The following FLVCR1 variants were observed in gnomAD, a reference collection of about 807,000 sequenced individuals.
FLVCR1 encodes the protein FLVCR choline and heme transporter 1, also known as choline/ethanolamine transporter FLVCR1.
In FLVCR1, 34 loss-of-function variants were observed where a neutral mutation model predicts 53.6. The ratio of observed to expected loss-of-function variants is 0.63; its 90% CI spans 0.48 to 0.84. The LOEUF is 0.84. Ranked by LOEUF, FLVCR1 falls within the 40% of genes least tolerant of loss-of-function variation. FLVCR1 has a pLI of 0.00. For missense variants in FLVCR1, 677 were observed against 696.7 expected, an observed-to-expected ratio of 0.97 and a Z score of 0.32; for synonymous variants, 300 against 286.3, an observed-to-expected ratio of 1.05 and a Z score of -0.48.
chr1:212,885,486 CAT>C, intron 5 of FLVCR1, 90 bp downstream of exon 5: 2 of 800,146 alleles, frequency 2.5e-6, no homozygotes, highest in South Asian at 1.4e-5. Context: ...AAATTTAAAA[CAT>C]GTTATTACTT....
In FLVCR1 at chr1:212,896,445, T is replaced by C. The variant is rs1286320270; in HGVS notation, c.*1155T>C. On this transcript the variant is annotated 3_prime_UTR_variant, in exon 10 of 10. Transcript: ENST00000366971. ...CTGCAGAGTCATCACACTGTTAGAA[T>C]AGTCTGCTCTTTTACATGCTCAGGT... 6.6e-6 allele frequency: 1 copy of C among 152,188 alleles called. No individual in the cohort carries two copies. Among genetic ancestry groups the C allele is most frequent in the South Asian group, 2.1e-4 (1 of 4,830 alleles). The allele number at this position is 152,188 out of a possible 1,614,324, so 9.4% of individuals were successfully genotyped here. A position where few individuals can be genotyped will look rare whatever the true frequency, so the allele number is the denominator to read the frequency against.
At position 212,897,205 on chromosome 1, in the gene FLVCR1, AT is replaced by A. The variant is rs1484919204; in HGVS notation, c.*1916del. The A allele has an allele frequency of 2.6e-4, 22 of 85,036 alleles. No homozygotes were observed. Among genetic ancestry groups the A allele is most frequent in the African/African-American group, 7.8e-4 (22 of 28,110 alleles). 5.3% of individuals were successfully genotyped at this position (85,036 alleles called of 1,614,324 possible). A position where few individuals can be genotyped will look rare whatever the true frequency, so the allele number is the denominator to read the frequency against. Reference sequence around the variant, plus strand: ...AATAAATAAATAAATAAATAAATAAATAAATAAAACCTGAGGTTGAGCACGA... The same window carrying A: ...AATAAATAAATAAATAAATAAATAAAAAATAAAACCTGAGGTTGAGCACGA... On this transcript the variant is annotated 3_prime_UTR_variant, in exon 10 of 10. Transcript: ENST00000366971.
At chr1:212,890,230 C>T (rs1212515157) in intron 8 of FLVCR1, among the ~76,000 whole-genome samples, 1 of 152,140 alleles carries the variant, frequency 6.6e-6, no homozygotes. Flanking sequence ...TTTCCAGGTG[C>T]ATACTTTTAA....
In FLVCR1 at chr1:212,858,953, G is replaced by A. The variant is rs886043715; in HGVS notation, c.501G>A (p.Leu167=). 8.7e-6 allele frequency: 14 copies of A among 1,614,082 alleles called. No homozygotes were observed. Among genetic ancestry groups the A allele is most frequent in the Non-Finnish European group, 1.2e-5 (14 of 1,180,052 alleles). Residue 167 remains leucine (L), a synonymous_variant, in exon 1 of 10, where the codon CTG becomes CTA. Transcript: ENST00000366971. The part of the protein sequence containing the change: ...YVPLIFPATW[L]LDTRGLRLTA... ...CCCTCATCTTCCCGGCCACCTGGCT[G>A]CTGGACACCAGAGGCCTGCGGCTCA...
intron 3 of FLVCR1, among the ~76,000 whole-genome samples, chr1:212,875,647 C>T (rs1187900051): frequency 2.6e-5 from 4 of 152,042 alleles, no homozygotes; most frequent in African/African-American, 9.7e-5. Context: ...CAAGACCAGC[C>T]TGGCCAATGT....
At chr1:212,881,370 G>T (rs148679359) in intron 3 of FLVCR1, among the ~76,000 whole-genome samples, 180 of 133,084 alleles carry the variant, frequency 1.4e-3, no homozygotes, top group Middle Eastern at 4.5e-3. Flanking sequence ...ACAGAGTCTC[G>T]CTCTGTCACC....
chr1:212,889,612 G>A (rs964712984), intron 8 of FLVCR1, among the ~76,000 whole-genome samples: 2 of 152,168 alleles, frequency 1.3e-5, no homozygotes, highest in East Asian at 1.9e-4. Flanking sequence ...ACTAAAATTA[G>A]CCAGTTGTGG....
intron 1 of FLVCR1, among the ~76,000 whole-genome samples, chr1:212,861,045 G>C (rs537363888): frequency 6.6e-6 from 1 of 152,014 alleles, no homozygotes; most frequent in Non-Finnish European, 1.5e-5. Flanking sequence ...AATCTGTTCC[G>C]GGCACATCCT....
rs1665113700 is a variant in FLVCR1 at position 212,888,505 on chromosome 1, T to C, written c.1324T>C (p.Tyr442His). 1 of 1,613,086 alleles carries C rather than the reference T, an allele frequency of 6.2e-7. No homozygotes were observed. The highest frequency in any genetic ancestry group is 8.5e-7 in the Non-Finnish European group (1 of 1,179,134). The change falls in exon 7 of 10, where the codon TAC (tyrosine) becomes CAC (histidine). Residue 442 changes from tyrosine (Y) to histidine (H), a missense_variant. Transcript: ENST00000366971. ...TTTTCCTAGCTTCTTCATGACTGGT[T>C]ACCTCCCTTTGGGTTTTGAATTTGC... is the stretch of plus-strand genomic sequence containing the variant. ...GGVLGFFMTG[Y>H]LPLGFEFAVE...
chr1:212,884,578 G>C (rs765744389), intron 4 of FLVCR1, among the ~76,000 whole-genome samples: 2 of 152,194 alleles, frequency 1.3e-5, no homozygotes, highest in African/African-American at 2.4e-5. Flanking sequence ...TTTGATTGAC[G>C]TATCTGCTTT....
chr1:212,894,756 A>G (rs1665289903), intron 8 of FLVCR1, among the ~76,000 whole-genome samples: 1 of 152,110 alleles, frequency 6.6e-6, no homozygotes, highest in African/African-American at 2.4e-5. Context: ...TACACTTTTC[A>G]TTTTTGTATC....
chr1:212,868,892 ATTG>A (rs1222949692), intron 2 of FLVCR1, among the ~76,000 whole-genome samples: 1 of 152,136 alleles, frequency 6.6e-6, no homozygotes, highest in Non-Finnish European at 1.5e-5. Context: ...ACAGCTTGCT[ATTG>A]TTATTTACAT....
rs762737335 is a variant in FLVCR1, at chr1:212,858,473, G to T, written c.21G>T (p.Glu7Asp). The T allele has an allele frequency of 2.1e-6, 3 of 1,441,942 alleles. No homozygotes were observed. The highest frequency in any genetic ancestry group is 2.7e-6 in the Non-Finnish European group (3 of 1,102,772). The allele number at this position is 1,441,942 out of a possible 1,614,324, so 89.3% of individuals were successfully genotyped here. Reference sequence around the variant, plus strand: ...GGGATATGGCGCGGCCAGACGATGAGGAGGGGGCGGCGGTGGCGCCCGGAC... The same window carrying T: ...GGGATATGGCGCGGCCAGACGATGATGAGGGGGCGGCGGTGGCGCCCGGAC... MARPDD[E>D]EGAAVAPGHP... The change falls in exon 1 of 10, where the codon GAG becomes GAT. Residue 7 changes from glutamate to aspartate, a missense_variant. Physicochemically the swap from Glu to Asp is conservative, Grantham distance 45 (BLOSUM62 2). Coordinates refer to ENST00000366971, the MANE Select transcript of FLVCR1 (RefSeq NM_014053.4).
chr1:212,884,097 C>T (rs1198436942), intron 4 of FLVCR1, among the ~76,000 whole-genome samples: 4 of 151,976 alleles, frequency 2.6e-5, no homozygotes, highest in African/African-American at 9.7e-5. Context: ...CACCTGAGGT[C>T]GAGACCAGCC....
Position 212,865,485 on chromosome 1 carries a change from A to ATTTTTTTTTTTT in FLVCR1, c.883+1620_883+1631dup, listed in dbSNP as rs58544929. On this transcript the variant is annotated intron_variant, in intron 2 of 9. Transcript: ENST00000366971. ...AATGGACCTTCCATTTGCAATAGGG[A>ATTTTTTTTTTTT]TTTTTTTTTTTTTTTGAGACAGAGT... is the stretch of plus-strand genomic sequence containing the variant. Among the ~76,000 whole-genome samples, 1,299 of 133,300 alleles carry ATTTTTTTTTTTT rather than the reference A, an allele frequency of 9.7e-3. 91 individuals carry two copies. The highest frequency in any genetic ancestry group is 0.021 in the African/African-American group (696 of 33,338). 87.4% of individuals were successfully genotyped at this position (133,300 alleles called of 152,430 possible).
intron 8 of FLVCR1, among the ~76,000 whole-genome samples, chr1:212,890,880 G>T (rs896704702): frequency 1.3e-5 from 2 of 152,182 alleles, no homozygotes; most frequent in East Asian, 1.9e-4. Context: ...TCACTCAATT[G>T]TATGAATGAT....
intron 8 of FLVCR1, among the ~76,000 whole-genome samples, chr1:212,893,922 C>A (rs1665266965): frequency 6.6e-6 from 1 of 151,998 alleles, no homozygotes; most frequent in Admixed American, 6.6e-5. Flanking sequence ...ATTACAGATG[C>A]CCACCACCAC....
chr1:212,872,473 A>C (rs954993769), intron 2 of FLVCR1, among the ~76,000 whole-genome samples: 1 of 152,204 alleles, frequency 6.6e-6, no homozygotes, highest in Non-Finnish European at 1.5e-5. Context: ...GTTTCAGAGA[A>C]CTGAGATGAC....
chr1:212,887,286 T>A (rs1665086178), intron 5 of FLVCR1, among the ~76,000 whole-genome samples: 1 of 152,212 alleles, frequency 6.6e-6, no homozygotes. Context: ...GAAAACTTGA[T>A]AGGCATAGAT....
Sources: gnomAD v4.1 joint callset for allele counts (sites outside exome capture counted in the v4.1 genomes callset) on GRCh38, gnomAD v4.1.1 for gene constraint, MANE v1.5 for transcripts, NCBI Gene and HGNC (gene_info 2026-07-23, HGNC 2026-07-21) for gene names.